The following ST6GALNAC3 variants were observed in gnomAD, a reference collection of about 807,000 sequenced individuals.
The protein encoded by ST6GALNAC3 is ST6 N-acetylgalactosaminide alpha-2,6-sialyltransferase 3, also known as alpha-N-acetylgalactosaminide alpha-2,6-sialyltransferase 3.
In ST6GALNAC3, 25 loss-of-function variants were observed where a neutral mutation model predicts 32.7. That is an observed-to-expected ratio of 0.76 (90% confidence interval 0.56 to 1.07). The LOEUF (loss-of-function observed/expected upper bound fraction) is 1.07. Ranked by LOEUF, ST6GALNAC3 falls within the 50% of genes least tolerant of loss-of-function variation. The pLI is 0.00. For missense variants in ST6GALNAC3, 355 were observed against 382.4 expected (o/e 0.93, Z 0.60); for synonymous variants, 129 against 133.1 (o/e 0.97, Z 0.21).
intron 1 of ST6GALNAC3, among the ~76,000 whole-genome samples, chr1:76,280,291 G>T (rs1659423674): frequency 6.6e-6 from 1 of 152,024 alleles, no homozygotes; most frequent in Non-Finnish European, 1.5e-5. Flanking sequence ...GAATATATTT[G>T]GGGTATATTC....
chr1:76,410,539 A>T (rs1654162050), intron 2 of ST6GALNAC3, among the ~76,000 whole-genome samples: 1 of 152,056 alleles, frequency 6.6e-6, no homozygotes, highest in Admixed American at 6.6e-5. Flanking sequence ...ATATGGGATG[A>T]TAGTTTATTT....
intron 1 of ST6GALNAC3, among the ~76,000 whole-genome samples, chr1:76,136,161 G>A (rs933466029): frequency 1.2e-4 from 19 of 152,286 alleles, no homozygotes; most frequent in African/African-American, 4.3e-4. Flanking sequence ...AATAAAAAGC[G>A]ACAGCTACAG....
At chr1:76,341,611 TTC>T (rs1232529676) in intron 2 of ST6GALNAC3, among the ~76,000 whole-genome samples, 2 of 89,452 alleles carry the variant, frequency 2.2e-5, no homozygotes, top group Admixed American at 1.1e-4. Flanking sequence ...CTGCTTTTCT[TTC>T]TTTCTTTCTT....
intron 3 of ST6GALNAC3, among the ~76,000 whole-genome samples, chr1:76,561,780 C>T (rs1416092751): frequency 2.0e-5 from 3 of 152,126 alleles, no homozygotes; most frequent in Non-Finnish European, 1.5e-5. Flanking sequence ...AAAATAAAAA[C>T]ACATCCACAC....
chr1:76,322,073 C>T (rs953079428), intron 2 of ST6GALNAC3, among the ~76,000 whole-genome samples: 12 of 152,052 alleles, frequency 7.9e-5, no homozygotes, highest in East Asian at 5.8e-4. Flanking sequence ...ATCTTGTTAA[C>T]GCACTTGAAA....
intron 1 of ST6GALNAC3, among the ~76,000 whole-genome samples, chr1:76,208,386 T>C (rs1447945374): frequency 6.6e-6 from 1 of 152,270 alleles, no homozygotes; most frequent in Non-Finnish European, 1.5e-5. Context: ...AGCTCGTGTT[T>C]ATAGCTAAAC....
At chr1:76,601,911 T>A (rs1251779335) in intron 3 of ST6GALNAC3, among the ~76,000 whole-genome samples, 2 of 151,994 alleles carry the variant, frequency 1.3e-5, no homozygotes, top group Non-Finnish European at 2.9e-5. Context: ...CAGAGCAAAA[T>A]CCAATACTGG....
intron 3 of ST6GALNAC3, among the ~76,000 whole-genome samples, chr1:76,491,464 G>C (rs972884638): frequency 2.0e-5 from 3 of 152,104 alleles, no homozygotes; most frequent in Non-Finnish European, 2.9e-5. Context: ...CTAGGAATTG[G>C]GAGGTGGTGT....
At chr1:76,166,195 A>T (rs551674144) in intron 1 of ST6GALNAC3, among the ~76,000 whole-genome samples, 1 of 152,302 alleles carries the variant, frequency 6.6e-6, no homozygotes, top group South Asian at 2.1e-4. Flanking sequence ...GGCGGAAGGA[A>T]GGGGTCCAGT....
chr1:76,599,622 G>A (rs1029437929), intron 3 of ST6GALNAC3, among the ~76,000 whole-genome samples: 2 of 151,986 alleles, frequency 1.3e-5, no homozygotes, highest in Non-Finnish European at 2.9e-5. Context: ...GAAAAATCAA[G>A]TTTAATTCAA....
chr1:76,512,789 A>G (rs1661946129), intron 3 of ST6GALNAC3, among the ~76,000 whole-genome samples: 2 of 152,024 alleles, frequency 1.3e-5, no homozygotes, highest in South Asian at 4.1e-4. Flanking sequence ...TCAACTCTTT[A>G]TTTATATACA....
intron 1 of ST6GALNAC3, among the ~76,000 whole-genome samples, chr1:76,307,217 A>G (rs1661113494): frequency 6.6e-6 from 1 of 152,102 alleles, no homozygotes; most frequent in South Asian, 2.1e-4. Flanking sequence ...CATACCCCTA[A>G]CAAATTAGTG....
chr1:76,251,112 TC>T (rs1265402341), intron 1 of ST6GALNAC3, among the ~76,000 whole-genome samples: 1 of 152,124 alleles, frequency 6.6e-6, no homozygotes, highest in Non-Finnish European at 1.5e-5. Flanking sequence ...TATCGCCTTT[TC>T]CACCTTCAAC....
At chr1:76,325,982 A>T (rs1411684808) in intron 2 of ST6GALNAC3, among the ~76,000 whole-genome samples, 1 of 152,034 alleles carries the variant, frequency 6.6e-6, no homozygotes, top group Non-Finnish European at 1.5e-5. Context: ...TATTAAGTAG[A>T]TGGGAAATCT....
At chr1:76,085,685 A>G (rs116854615) in intron 1 of ST6GALNAC3, among the ~76,000 whole-genome samples, 1 of 152,308 alleles carries the variant, frequency 6.6e-6, no homozygotes, top group East Asian at 1.9e-4. Context: ...GGTATGACTC[A>G]AGAATTTGTA....
chr1:76,178,258 A>C (rs417932), intron 1 of ST6GALNAC3, among the ~76,000 whole-genome samples: 111,311 of 152,052 alleles, frequency 0.73, 42,003 homozygotes, highest in East Asian at 0.94. Context: ...TTTTAGAAAG[A>C]GAGATTTTGT....
intron 1 of ST6GALNAC3, among the ~76,000 whole-genome samples, chr1:76,081,266 C>T (rs901731745): frequency 1.4e-5 from 2 of 138,402 alleles, no homozygotes; most frequent in African/African-American, 2.9e-5. Flanking sequence ...TACACTAACA[C>T]GAATGACAGC....
At chr1:76,271,552 A>G (rs958843974) in intron 1 of ST6GALNAC3, among the ~76,000 whole-genome samples, 18 of 152,348 alleles carry the variant, frequency 1.2e-4, no homozygotes, top group African/African-American at 4.3e-4. Context: ...ATATAAGAAC[A>G]TTACATAGTA....
At chr1:76,384,924 T>C (rs1026126280) in intron 2 of ST6GALNAC3, among the ~76,000 whole-genome samples, 1 of 152,048 alleles carries the variant, frequency 6.6e-6, no homozygotes, top group Admixed American at 6.6e-5. Context: ...TATAATGAAA[T>C]AGTGAATGAG....
Sources: allele counts gnomAD v4.1 joint callset (sites outside exome capture counted in the v4.1 genomes callset), GRCh38; gene constraint gnomAD v4.1.1; transcripts MANE v1.5; gene names NCBI Gene and HGNC (gene_info 2026-07-23, HGNC 2026-07-21).